The following CCDC148 variants were observed in gnomAD, a reference collection of about 807,000 sequenced individuals.
CCDC148 encodes coiled-coil domain containing 148.
A neutral mutation model predicts 85.7 loss-of-function variants in CCDC148; 89 were observed. That is an observed-to-expected ratio of 1.04 (90% CI 0.87 to 1.24). The LOEUF is 1.24. Ranked by LOEUF, CCDC148 falls within the 50% of genes most tolerant of loss-of-function variation. The pLI, the probability that CCDC148 is intolerant of heterozygous loss-of-function variation, is 0.00. For missense variants in CCDC148, 692 were observed against 671.7 expected, an observed-to-expected ratio of 1.03 and a Z score of -0.33; for synonymous variants, 230 against 213.9, an observed-to-expected ratio of 1.08 and a Z score of -0.66.
intron 1 of CCDC148, among the ~76,000 whole-genome samples, chr2:158,435,185 C>T (rs976720147): frequency 6.6e-6 from 1 of 152,064 alleles, no homozygotes. Context: ...TCAGATTCAC[C>T]AAGGTGGAAA....
chr2:158,398,756 A>C (rs1267337643), intron 1 of CCDC148, among the ~76,000 whole-genome samples: 1 of 152,166 alleles, frequency 6.6e-6, no homozygotes, highest in African/African-American at 2.4e-5. Context: ...CTAGTGGAAG[A>C]CAAGAAATAA....
intron 1 of CCDC148, among the ~76,000 whole-genome samples, chr2:158,413,778 A>G (rs1444455826): frequency 6.6e-6 from 1 of 152,174 alleles, no homozygotes; most frequent in East Asian, 1.9e-4. Context: ...GCATGGTTCT[A>G]ATAACAAAAA....
intron 1 of CCDC148, among the ~76,000 whole-genome samples, chr2:158,418,620 T>C (rs969394547): frequency 6.6e-6 from 1 of 151,446 alleles, no homozygotes; most frequent in South Asian, 2.1e-4. Context: ...CCAGATCTTA[T>C]GTGACAATCC....
At chr2:158,225,085 C>A (rs1420345656) in intron 10 of CCDC148, among the ~76,000 whole-genome samples, 2 of 152,036 alleles carry the variant, frequency 1.3e-5, no homozygotes, top group Non-Finnish European at 2.9e-5. Flanking sequence ...CACACATAGG[C>A]TCAAAATAAA....
rs139363136 is a variant in CCDC148, at chr2:158,174,952, T to C, written c.1629+1569A>G. Among the ~76,000 whole-genome samples the C allele has an allele frequency of 9.2e-5, 14 of 152,188 alleles. No homozygotes were observed. In the East Asian group the frequency reaches 2.7e-3, roughly 29 times the overall value. ...AAAGCTTCAAAGTCTGGCATCTGCATACAGATGCCTTAGTAGCAAGGCCTA... is the reference window on the plus strand; with the variant it reads ...AAAGCTTCAAAGTCTGGCATCTGCACACAGATGCCTTAGTAGCAAGGCCTA... On this transcript the variant is annotated intron_variant, in intron 13 of 13. Coordinates refer to ENST00000283233, the MANE Select transcript of CCDC148 (RefSeq NM_138803.4).
chr2:158,412,779 T>C (rs1254124720), intron 1 of CCDC148, among the ~76,000 whole-genome samples: 2 of 150,760 alleles, frequency 1.3e-5, no homozygotes, highest in Non-Finnish European at 3.0e-5. Context: ...AAATGATTAA[T>C]AAATTATAAT....
intron 9 of CCDC148, among the ~76,000 whole-genome samples, chr2:158,265,701 C>T (rs1255991890): frequency 6.6e-6 from 1 of 152,082 alleles, no homozygotes; most frequent in African/African-American, 2.4e-5. Flanking sequence ...GCCTCAGTAC[C>T]ACAAATGTGC....
chr2:158,435,760 C>G (rs1394821390), intron 1 of CCDC148, among the ~76,000 whole-genome samples: 1 of 151,730 alleles, frequency 6.6e-6, no homozygotes, highest in Non-Finnish European at 1.5e-5. Flanking sequence ...AACATAAGCT[C>G]AAAATAAAGG....
chr2:158,285,863 G>C (rs986876826), intron 9 of CCDC148, among the ~76,000 whole-genome samples: 1 of 151,878 alleles, frequency 6.6e-6, no homozygotes, highest in Admixed American at 6.6e-5. Context: ...ATCTGAGAAT[G>C]TTCTCTTTCA....
At chr2:158,406,200 C>T (rs1482009788) in intron 1 of CCDC148, among the ~76,000 whole-genome samples, 3 of 152,156 alleles carry the variant, frequency 2.0e-5, no homozygotes, top group Non-Finnish European at 4.4e-5. Flanking sequence ...TGTAGGGGCT[C>T]TGGCTTGCAA....
intron 1 of CCDC148, among the ~76,000 whole-genome samples, chr2:158,406,608 A>C (rs1250918457): frequency 7.4e-5 from 3 of 40,576 alleles, no homozygotes; most frequent in Non-Finnish European, 1.8e-4. Flanking sequence ...AAACAGATTA[A>C]ATTTCTTTTT....
chr2:158,428,550 G>T (rs187974821), intron 1 of CCDC148, among the ~76,000 whole-genome samples: 2 of 151,786 alleles, frequency 1.3e-5, no homozygotes, highest in African/African-American at 4.8e-5. Context: ...GTAAGAGAGG[G>T]CTAGGCTGGA....
chr2:158,433,085 A>T (rs1298234629), intron 1 of CCDC148, among the ~76,000 whole-genome samples: 9 of 46,612 alleles, frequency 1.9e-4, no homozygotes, highest in African/African-American at 4.0e-4. Flanking sequence ...AAAAAAAAAA[A>T]AAAAAAATAT....
chr2:158,209,116 A>T (rs1686417931), intron 11 of CCDC148, among the ~76,000 whole-genome samples: 1 of 151,990 alleles, frequency 6.6e-6, no homozygotes, highest in Admixed American at 6.5e-5. Flanking sequence ...ATAAATAAAC[A>T]TAAACATATA....
intron 13 of CCDC148, among the ~76,000 whole-genome samples, chr2:158,174,797 C>T (rs1684494287): frequency 6.6e-6 from 1 of 151,992 alleles, no homozygotes; most frequent in South Asian, 2.1e-4. Context: ...ATGCATTGTG[C>T]TATGATGTTA....
chr2:158,279,866 C>G (rs558022999), intron 9 of CCDC148, among the ~76,000 whole-genome samples: 2 of 151,570 alleles, frequency 1.3e-5, no homozygotes, highest in East Asian at 1.9e-4. Context: ...ATGTTAAGGG[C>G]AGCCAGAGAG....
chr2:158,309,739 G>T (rs573753687), intron 8 of CCDC148, 100 bp from the exon 9 acceptor site: 15 of 891,342 alleles, frequency 1.7e-5, no homozygotes, highest in Admixed American at 2.9e-5. Context: ...TATAACCAAT[G>T]ATTTTGAAAA....
At chr2:158,213,391 TATTAA>T (rs1213976187) in intron 11 of CCDC148, among the ~76,000 whole-genome samples, 1 of 152,196 alleles carries the variant, frequency 6.6e-6, no homozygotes, top group Non-Finnish European at 1.5e-5. Context: ...GCAAGCTATT[TATTAA>T]ATTATAAGAA....
chr2:158,433,407 A>T (rs1374197941), intron 1 of CCDC148, among the ~76,000 whole-genome samples: 1 of 151,998 alleles, frequency 6.6e-6, no homozygotes, highest in Non-Finnish European at 1.5e-5. Flanking sequence ...TATGATACAT[A>T]TATCTGACAA....
Sources: allele counts gnomAD v4.1 joint callset (sites outside exome capture counted in the v4.1 genomes callset), GRCh38; gene constraint gnomAD v4.1.1; transcripts MANE v1.5; gene names NCBI Gene and HGNC (gene_info 2026-07-23, HGNC 2026-07-21).